The following PDE4C variants were observed in gnomAD, a reference collection of about 807,000 sequenced individuals.
The protein encoded by PDE4C is phosphodiesterase 4C, also known as 3',5'-cyclic-AMP phosphodiesterase 4C.
A neutral mutation model predicts 63.9 loss-of-function variants in PDE4C; 50 were observed. The observed-to-expected ratio is 0.78, with a 90% confidence interval of 0.62 to 0.99. The LOEUF (loss-of-function observed/expected upper bound fraction) is 0.99. Ranked by LOEUF, PDE4C falls within the 50% of genes least tolerant of loss-of-function variation. PDE4C has a pLI of 0.00. For missense variants in PDE4C, 777 were observed against 899.1 expected (o/e 0.86, Z 1.74); for synonymous variants, 377 against 385.1 (o/e 0.98, Z 0.25).
intron 1 of PDE4C, chr19:18,224,228 C>T (rs1341835856): frequency 2.0e-6 from 2 of 985,468 alleles, no homozygotes; most frequent in Non-Finnish European, 2.4e-6. Context: ...CTAGAGAAGG[C>T]GGTGACCTGG....
At chr19:18,225,490 G>C (rs1341429312) in intron 1 of PDE4C, 4 of 152,260 alleles carry the variant, frequency 2.6e-5, no homozygotes, top group African/African-American at 7.2e-5. Flanking sequence ...CCTTGGAGAG[G>C]GACCTCCCCT....
intron 1 of PDE4C, among the ~76,000 whole-genome samples, chr19:18,240,650 C>T (rs1568267926): frequency 6.6e-6 from 1 of 152,082 alleles, no homozygotes; most frequent in Non-Finnish European, 1.5e-5. Flanking sequence ...ATCGCTTGAA[C>T]CTGGGAGGCA....
intron 1 of PDE4C, among the ~76,000 whole-genome samples, chr19:18,224,741 A>G (rs939895545): frequency 6.6e-6 from 1 of 152,338 alleles, no homozygotes; most frequent in East Asian, 1.9e-4. Context: ...GTCCGACTCC[A>G]GCGGGTTTAG....
intron 4 of PDE4C, 53 bp downstream of exon 4, chr19:18,221,052 G>GCCAGGGGCCCCCCCCCCCCC: frequency 4.0e-6 from 5 of 1,245,298 alleles, no homozygotes; most frequent in Non-Finnish European, 5.7e-6. Flanking sequence ...CCCGCTTTCC[G>GCCAGGGGCCCCCCCCCCCCC]CCCACCTTGT....
upstream of PDE4C, among the ~76,000 whole-genome samples, chr19:18,228,156 G>A (rs1568675532): frequency 6.6e-6 from 1 of 151,996 alleles, no homozygotes; most frequent in Non-Finnish European, 1.5e-5. Context: ...CTGGAGCCAA[G>A]GTCTCAGCAG....
chr19:18,215,045 A>T (rs910880347), intron 12 of PDE4C, among the ~76,000 whole-genome samples: 2 of 151,856 alleles, frequency 1.3e-5, no homozygotes, highest in Non-Finnish European at 2.9e-5. Flanking sequence ...AGAGTCAGAC[A>T]AAAGTCTCAA....
At chr19:18,249,276 T>TTTTG (rs1293747035), upstream of PDE4C, among the ~76,000 whole-genome samples, 1 of 151,788 alleles carries the variant, frequency 6.6e-6, no homozygotes, top group South Asian at 2.1e-4. Context: ...GCACCCCCAG[T>TTTTG]TTTGTTTGTT....
At chr19:18,226,657 G>A (rs1226818354), upstream of PDE4C, among the ~76,000 whole-genome samples, 1 of 146,536 alleles carries the variant, frequency 6.8e-6, no homozygotes, top group Non-Finnish European at 1.5e-5. Context: ...CCAGGCTGGA[G>A]TGCAGTGGCA....
At chr19:18,241,387 T>C (rs1401668638) in intron 1 of PDE4C, among the ~76,000 whole-genome samples, 59 of 148,932 alleles carry the variant, frequency 4.0e-4, no homozygotes, top group African/African-American at 1.4e-3. Context: ...CGGCCTCAGC[T>C]TCCCAAGTAG....
chr19:18,238,305 G>A (rs895535761), upstream of PDE4C, among the ~76,000 whole-genome samples: 8 of 149,030 alleles, frequency 5.4e-5, no homozygotes, highest in South Asian at 4.2e-4. Flanking sequence ...GCACAATCTC[G>A]CCTTACTGCA....
chr19:18,218,124 G>A, intron 11 of PDE4C, 25 bp downstream of exon 11: 3 of 1,570,544 alleles, frequency 1.9e-6, no homozygotes, highest in Non-Finnish European at 1.8e-6. Flanking sequence ...CTCTTCTCCT[G>A]CACCCACTTC....
At chr19:18,221,871 C>A (rs1017919379) in intron 2 of PDE4C, among the ~76,000 whole-genome samples, 2 of 152,132 alleles carry the variant, frequency 1.3e-5, no homozygotes, top group Non-Finnish European at 2.9e-5. Flanking sequence ...GGTGATCCGC[C>A]CACCTCGGCC....
Position 18,226,328 on chromosome 19 carries a change from G to A in PDE4C, c.88C>T (p.Leu30Phe), listed in dbSNP as rs370458549. Residue 30 changes from leucine (L) to phenylalanine (F), a missense_variant, in exon 1 of 15, where the codon CTT (leucine) becomes TTT (phenylalanine). Transcript: ENST00000262805. ...AGGCGGATGCTCTGATTCACCAAAA[G>A]CTTCCTGAAGAGCCCGGGGGAGCCG... is the stretch of plus-strand genomic sequence containing the variant. The A allele has an allele frequency of 4.4e-5, 69 of 1,559,816 alleles. 1 individual carries two copies. The East Asian group carries it at 1.3e-3, about 30-fold the overall frequency.
rs756526999 is a variant in PDE4C at position 18,219,074 on chromosome 19, G to A, written c.871-36C>T. 4 of 1,590,410 alleles carry A rather than the reference G, an allele frequency of 2.5e-6. No individual in the cohort carries two copies. The Admixed American group carries it at 5.0e-5, about 20-fold the overall frequency. On this transcript the variant is annotated intron_variant, in intron 8 of 14. Transcript: ENST00000262805. Reference sequence around the variant, plus strand: ...AAGGGCTGAAGCTTAATTAACCCCAGCCCAACTTCCCCAGACTCTAGAGCC... The same window carrying A: ...AAGGGCTGAAGCTTAATTAACCCCAACCCAACTTCCCCAGACTCTAGAGCC...
upstream of PDE4C, among the ~76,000 whole-genome samples, chr19:18,227,058 A>AGGTGCCC (rs1555825771): frequency 0.016 from 2,399 of 152,168 alleles, 68 homozygotes; most frequent in African/African-American, 0.055. Context: ...TGCCCAGAGA[A>AGGTGCCC]ACAGCTGTCT....
At chr19:18,237,928 T>A (rs1968980452), upstream of PDE4C, among the ~76,000 whole-genome samples, 1 of 151,286 alleles carries the variant, frequency 6.6e-6, no homozygotes, top group Non-Finnish European at 1.5e-5. Context: ...CAGAAATATT[T>A]ATTTATTAAC....
chr19:18,221,925 C>A (rs767933320), intron 2 of PDE4C, among the ~76,000 whole-genome samples: 1 of 152,156 alleles, frequency 6.6e-6, no homozygotes, highest in African/African-American at 2.4e-5. Flanking sequence ...CGTGCCCGGC[C>A]GACCTTAATG....
At chr19:18,249,655 C>T (rs909544922), upstream of PDE4C, among the ~76,000 whole-genome samples, 7 of 150,662 alleles carry the variant, frequency 4.6e-5, no homozygotes, top group African/African-American at 1.5e-4. Context: ...CTCACTGCAA[C>T]CTCCGCCTCC....
the PDE4C span, among the ~76,000 whole-genome samples, chr19:18,254,249 T>C: frequency 6.6e-6 from 1 of 152,116 alleles, no homozygotes; most frequent in Non-Finnish European, 1.5e-5. Flanking sequence ...GAAATGAAGA[T>C]GATTCAGAGG....
Sources: allele counts gnomAD v4.1 joint callset (sites outside exome capture counted in the v4.1 genomes callset), GRCh38; gene constraint gnomAD v4.1.1; transcripts MANE v1.5; gene names NCBI Gene and HGNC (gene_info 2026-07-23, HGNC 2026-07-21).